The following STS variants were observed in gnomAD, a reference collection of about 807,000 sequenced individuals.
STS encodes steroid sulfatase.
A neutral mutation model predicts 26.8 loss-of-function variants in STS; 7 were observed. That is an observed-to-expected ratio of 0.26 (90% CI 0.15 to 0.49). The LOEUF (loss-of-function observed/expected upper bound fraction) is 0.49. Among genes scored for constraint, STS ranks in the 20% least tolerant of loss-of-function variants. The probability of loss-of-function intolerance (pLI) is 0.98; values close to 1 mark genes in which losing one functional copy is unlikely to be tolerated. For synonymous variants in STS, 199 were observed against 189.4 expected (o/e 1.05, Z -0.42); for missense variants, 434 against 465.6 (o/e 0.93, Z 0.63).
chrX:7,187,760 A>G (rs1311086419), intron 1 of STS, among the ~76,000 whole-genome samples: 7 of 112,056 alleles, frequency 6.2e-5, no homozygotes, highest in African/African-American at 2.3e-4. Flanking sequence ...GCTCAATACA[A>G]CAAAATGGGC....
chrX:7,147,639 C>G (rs886174646), upstream of STS, among the ~76,000 whole-genome samples: 1 of 112,287 alleles, frequency 8.9e-6, no homozygotes, highest in Non-Finnish European at 1.9e-5. Flanking sequence ...GACGGGGAAG[C>G]TGAGGCTGGG....
intron 8 of STS, among the ~76,000 whole-genome samples, 173 bp downstream of exon 8, chrX:7,305,356 CA>C (rs1339225486): frequency 8.9e-6 from 1 of 112,132 alleles, no homozygotes; most frequent in East Asian, 2.8e-4. Context: ...CTGGTTCCCA[CA>C]GAATTTAAAA....
intron 9 of STS, among the ~76,000 whole-genome samples, chrX:7,332,003 G>C (rs954711707): frequency 1.5e-4 from 16 of 109,386 alleles, no homozygotes; most frequent in Non-Finnish European, 1.9e-5. Flanking sequence ...TCATTTTTAA[G>C]TAAGAAAAAA....
intron 2 of STS, among the ~76,000 whole-genome samples, chrX:7,229,710 C>T (rs1033961247): frequency 1.8e-5 from 2 of 110,985 alleles, no homozygotes; most frequent in Non-Finnish European, 3.8e-5. Context: ...CCGTGCCAGC[C>T]TACCTACACC....
chrX:7,307,668 T>A (rs1926283430), intron 8 of STS, among the ~76,000 whole-genome samples: 1 of 112,051 alleles, frequency 8.9e-6, no homozygotes, highest in Non-Finnish European at 1.9e-5. Flanking sequence ...GCGATTGGTT[T>A]AGGAAGTGAA....
At chrX:7,240,956 G>A (rs1477541854) in intron 2 of STS, among the ~76,000 whole-genome samples, 1 of 110,758 alleles carries the variant, frequency 9.0e-6, no homozygotes, top group African/African-American at 3.3e-5. Flanking sequence ...CATCACTTCT[G>A]GATAAAGATA....
At chrX:7,252,697 A>G (rs192048448) in intron 2 of STS, among the ~76,000 whole-genome samples, 1 of 112,296 alleles carries the variant, frequency 8.9e-6, no homozygotes, top group East Asian at 2.8e-4. Context: ...TGTTATTCTT[A>G]CAAGGAATGA....
At chrX:7,199,876 TAA>T (rs5901337) in intron 2 of STS, among the ~76,000 whole-genome samples, 20 of 106,167 alleles carry the variant, frequency 1.9e-4, no homozygotes, top group East Asian at 2.9e-4. Context: ...TTGCTAGAAA[TAA>T]AAAAAAAAAT....
At chrX:7,191,744 A>G (rs1165515918) in intron 2 of STS, among the ~76,000 whole-genome samples, 14 of 107,679 alleles carry the variant, frequency 1.3e-4, no homozygotes, top group African/African-American at 4.5e-4. Context: ...GGGCATACCC[A>G]GGTTCATCCC....
intron 7 of STS, among the ~76,000 whole-genome samples, chrX:7,278,190 T>C (rs1319323540): frequency 8.9e-6 from 1 of 112,538 alleles, no homozygotes; most frequent in Non-Finnish European, 1.9e-5. Flanking sequence ...AAGCATTCCA[T>C]GAATTTTTAA....
chrX:7,276,121 G>T, intron 7 of STS, 34 bp downstream of exon 7: 2 of 1,204,613 alleles, frequency 1.7e-6, no homozygotes, highest in East Asian at 6.0e-5. Context: ...TTAGAAAGCT[G>T]CTAAGTCTTT....
intron 1 of STS, among the ~76,000 whole-genome samples, chrX:7,180,158 A>C (rs1933653147): frequency 9.0e-6 from 1 of 111,540 alleles, no homozygotes; most frequent in Non-Finnish European, 1.9e-5. Context: ...AGTGCATTAC[A>C]TTTATTGTGC....
chrX:7,319,978 GTATATATATTTATATATATATTTTTA>G (rs1277234336), intron 8 of STS, among the ~76,000 whole-genome samples: 1 of 81,908 alleles, frequency 1.2e-5, no homozygotes, highest in Non-Finnish European at 2.2e-5. Context: ...TTATATATAT[GTATATATATTTATATATATATTTTTA>G]TATATATATT....
chrX:7,272,227 T>TATATAC (rs1341380587), intron 6 of STS, among the ~76,000 whole-genome samples: 1 of 105,216 alleles, frequency 9.5e-6, no homozygotes, highest in Non-Finnish European at 1.9e-5. Context: ...CATATATATA[T>TATATAC]ATATATATGT....
At chrX:7,225,397 G>T (rs185803274) in intron 2 of STS, among the ~76,000 whole-genome samples, 1 of 111,381 alleles carries the variant, frequency 9.0e-6, no homozygotes, top group East Asian at 2.8e-4. Context: ...AAGGGAAACG[G>T]CACATGGGGT....
intron 6 of STS, among the ~76,000 whole-genome samples, chrX:7,267,839 T>C (rs1924080494): frequency 8.9e-6 from 1 of 112,307 alleles, no homozygotes; most frequent in Admixed American, 9.5e-5. Flanking sequence ...TGAGATATTT[T>C]AATTAGAAGT....
chrX:7,343,067 A>G (rs1928364170), intron 10 of STS, among the ~76,000 whole-genome samples: 1 of 111,281 alleles, frequency 9.0e-6, no homozygotes, highest in Non-Finnish European at 1.9e-5. Context: ...ATGGAACAGT[A>G]TGTGAAATGG....
intron 1 of STS, among the ~76,000 whole-genome samples, chrX:7,186,215 C>G (rs1398541036): frequency 8.9e-6 from 1 of 112,382 alleles, no homozygotes; most frequent in African/African-American, 3.2e-5. Context: ...TATACTTAAT[C>G]AATATATAAA....
intron 6 of STS, among the ~76,000 whole-genome samples, chrX:7,268,375 G>A (rs1223235544): frequency 9.0e-6 from 1 of 111,625 alleles, no homozygotes; most frequent in Non-Finnish European, 1.9e-5. Flanking sequence ...GGTTCCTCCA[G>A]CCTAGCCTCT....
Sources: allele counts gnomAD v4.1 joint callset (sites outside exome capture counted in the v4.1 genomes callset), GRCh38; gene constraint gnomAD v4.1.1; transcripts MANE v1.5; gene names NCBI Gene and HGNC (gene_info 2026-07-23, HGNC 2026-07-21).